The following SASH1 variants were observed in gnomAD, a reference collection of about 807,000 sequenced individuals.
SASH1 encodes the protein SAM and SH3 domain containing 1.
In SASH1, 44 loss-of-function variants were observed where a neutral mutation model predicts 125.2. That is an observed-to-expected ratio of 0.35 (90% CI 0.28 to 0.45). The LOEUF (loss-of-function observed/expected upper bound fraction) is 0.45, where lower values mean the gene tolerates loss of function less well. SASH1 is among the 20% of genes least tolerant of loss of function. The pLI, the probability that SASH1 is intolerant of heterozygous loss-of-function variation, is 1.00. For synonymous variants in SASH1, 639 were observed against 649.1 expected, an observed-to-expected ratio of 0.98 and a Z score of 0.24; for missense variants, 1,426 against 1,614.5, an observed-to-expected ratio of 0.88 and a Z score of 2.00.
At position 148,534,052 on chromosome 6, in the gene SASH1, G is replaced by T. The variant is rs1316846249; in HGVS notation, c.1944+72G>T. On this transcript the variant is annotated intron_variant, in intron 15 of 19. Coordinates refer to ENST00000367467, the MANE Select transcript of SASH1 (RefSeq NM_015278.5). ...TTTCTCTCCTACACTAAGCAAGTGA[G>T]GGCATTTTTAGGGTAGGGTTGGGGC... 4.9e-6 allele frequency: 7 copies of T among 1,434,374 alleles called. No homozygotes were observed. The South Asian group carries it at 8.4e-5, about 17-fold the overall frequency. The allele number at this position is 1,434,374 out of a possible 1,614,324, so 88.9% of individuals were successfully genotyped here.
In SASH1 at chr6:148,390,164, G is replaced by A. The variant is rs1562373777; in HGVS notation, c.187G>A (p.Ala63Thr). 6.2e-7 allele frequency: 1 copy of A among 1,613,684 alleles called. No homozygotes were observed. Among genetic ancestry groups the A allele is most frequent in the South Asian group, 1.1e-5 (1 of 91,058 alleles). Reference sequence around the variant, plus strand: ...TTCACTGGGAAACATCGATGACCTGGCGCAGCAGTATGCAGATTATTACAA... The same window carrying A: ...TTCACTGGGAAACATCGATGACCTGACGCAGCAGTATGCAGATTATTACAA... Reference protein sequence around the residue: ...DGSLGNIDDLAQQYADYYNTC... With the variant: ...DGSLGNIDDLTQQYADYYNTC... The change falls in exon 2 of 20, where the codon GCG (alanine) becomes ACG (threonine). Residue 63 changes from alanine (A) to threonine (T), a missense_variant. By Grantham distance (58) the Ala-to-Thr change is moderately conservative. Around this residue, in one of 3 missense-constraint regions of SASH1, gnomAD observed 567 missense variants for 575.6 expected, o/e 0.99. Transcript: ENST00000367467.
At chr6:148,357,942 C>G (rs997202514) in intron 1 of SASH1, among the ~76,000 whole-genome samples, 8 of 151,530 alleles carry the variant, frequency 5.3e-5, no homozygotes, top group Non-Finnish European at 4.4e-5. Context: ...TGCCTGTAAT[C>G]CCAGCTACTC....
chr6:148,234,024 G>GT, the SASH1 span, among the ~76,000 whole-genome samples: 1 of 151,132 alleles, frequency 6.6e-6, no homozygotes. Flanking sequence ...TACCACTTAG[G>GT]TTTTTTTTGG....
chr6:148,387,402 G>T (rs1031008098), intron 1 of SASH1, among the ~76,000 whole-genome samples: 1 of 151,416 alleles, frequency 6.6e-6, no homozygotes, highest in Non-Finnish European at 1.5e-5. Context: ...GTGAGCCACC[G>T]CACCCGGCCC....
chr6:148,551,081 T>G lies in SASH1; in HGVS notation c.*2523T>G, dbSNP rs1221807478. The G allele has an allele frequency of 6.6e-6, 1 of 152,670 alleles. No homozygotes were observed. Among genetic ancestry groups the G allele is most frequent in the East Asian group, 1.9e-4 (1 of 5,204 alleles). The allele number at this position is 152,670 out of a possible 1,614,324, so 9.5% of individuals were successfully genotyped here. A position where few individuals can be genotyped will look rare whatever the true frequency, so the allele number is the denominator to read the frequency against. On this transcript the variant is annotated 3_prime_UTR_variant, in exon 20 of 20. Transcript: ENST00000367467. ...GAATTTTCAGTGGGAATGTCTAGTC[T>G]GAGGGGTCTGAGGTTGTTTTTACTT...
the SASH1 span, among the ~76,000 whole-genome samples, chr6:148,218,111 G>A: frequency 1.3e-5 from 2 of 152,032 alleles, no homozygotes; most frequent in African/African-American, 4.8e-5. Context: ...TTGCAAACCA[G>A]ATTCATGGCT....
At chr6:148,524,121 A>ATATATATATATATATATTTTTTT (rs1193506716) in intron 10 of SASH1, among the ~76,000 whole-genome samples, 1 of 128,602 alleles carries the variant, frequency 7.8e-6, no homozygotes, top group East Asian at 2.3e-4. Flanking sequence ...ATATATATAT[A>ATATATATATATATATATTTTTTT]TTTTTTTTAA....
At chr6:148,493,222 A>G (rs1250856299) in intron 8 of SASH1, among the ~76,000 whole-genome samples, 1 of 152,192 alleles carries the variant, frequency 6.6e-6, no homozygotes, top group Non-Finnish European at 1.5e-5. Context: ...CACCACCATC[A>G]CCACTGAAGT....
chr6:148,305,623 C>CAAA lies in SASH1; in HGVS notation n.74+33265_74+33267dup, dbSNP rs59521298. Reference sequence around the variant, plus strand: ...TGGGCGACAGAGCGAGACTCTGACTCAAAAAAAAAAAAAAAAAAAAAGAAA... The same window carrying CAAA: ...TGGGCGACAGAGCGAGACTCTGACTCAAAAAAAAAAAAAAAAAAAAAAAAGAAA... On this transcript the variant is annotated intron_variant and non_coding_transcript_variant, in intron 1 of 3. Transcript: ENST00000367469. Among the ~76,000 whole-genome samples, 651 of 104,294 alleles carry CAAA rather than the reference C, an allele frequency of 6.2e-3. 37 individuals are homozygous for CAAA. The East Asian group carries it at 0.14, about 23-fold the overall frequency. The allele number at this position is 104,294 out of a possible 152,430, so 68.4% of individuals were successfully genotyped here.
the SASH1 span, among the ~76,000 whole-genome samples, chr6:148,215,795 T>C: frequency 6.6e-6 from 1 of 152,146 alleles, no homozygotes; most frequent in East Asian, 1.9e-4. Flanking sequence ...AGCACTAAAA[T>C]TTTGCTATGG....
At chr6:148,347,467 A>G (rs185739668) in intron 1 of SASH1, among the ~76,000 whole-genome samples, 1 of 152,276 alleles carries the variant, frequency 6.6e-6, no homozygotes, top group Non-Finnish European at 1.5e-5. Flanking sequence ...CTATCTTACT[A>G]TTTACTCCAT....
In SASH1 at chr6:148,525,327, C is replaced by T. The variant is rs376224396; in HGVS notation, c.1246C>T (p.Arg416Cys). 10 of 1,613,892 alleles carry T rather than the reference C, an allele frequency of 6.2e-6. No individual in the cohort carries two copies. The highest frequency in any genetic ancestry group is 2.7e-5 in the African/African-American group (2 of 74,878). Residue 416 changes from arginine to cysteine, a missense_variant, in exon 11 of 20, where the codon CGC (arginine) becomes TGC (cysteine). This residue lies in a region of SASH1 where 567 missense variants were observed against 575.6 expected (regional missense o/e 0.99). Transcript: ENST00000367467. ...CSFGGFDLTN[R>C]SLHVGSNNSD... is the part of the protein sequence containing the mutation. The stretch of plus-strand genomic sequence containing the variant: ...TTTTGGAGGATTTGACTTGACGAAT[C>T]GCTCTCTGCACGTTGGCAGTAATAA...
chr6:148,407,463 G>A (rs1784422508), intron 2 of SASH1, among the ~76,000 whole-genome samples: 1 of 151,776 alleles, frequency 6.6e-6, no homozygotes, highest in African/African-American at 2.4e-5. Context: ...ACCACATTTT[G>A]TTTATTTATC....
At chr6:148,285,564 G>T (rs995919035) in intron 1 of SASH1, among the ~76,000 whole-genome samples, 1 of 151,124 alleles carries the variant, frequency 6.6e-6, no homozygotes, top group Non-Finnish European at 1.5e-5. Flanking sequence ...GGCTGTTTTG[G>T]TTTTTTTTTC....
intron 8 of SASH1, among the ~76,000 whole-genome samples, chr6:148,489,204 A>G (rs1169136817): frequency 6.6e-6 from 1 of 152,210 alleles, no homozygotes; most frequent in African/African-American, 2.4e-5. Flanking sequence ...CAGTTTTTCC[A>G]GAACCATTTG....
chr6:148,316,581 C>T (rs909114335), intron 1 of SASH1, among the ~76,000 whole-genome samples: 1 of 152,336 alleles, frequency 6.6e-6, no homozygotes, highest in South Asian at 2.1e-4. Flanking sequence ...AGAAAGCTCT[C>T]AGGAAATGCT....
At chr6:148,261,553 G>A in the SASH1 span, among the ~76,000 whole-genome samples, 3 of 152,184 alleles carry the variant, frequency 2.0e-5, no homozygotes, top group Admixed American at 2.0e-4. Context: ...AGGATTTCTA[G>A]ATACAGGTGG....
At chr6:148,213,038 G>A in the SASH1 span, among the ~76,000 whole-genome samples, 6 of 152,210 alleles carry the variant, frequency 3.9e-5, no homozygotes, top group African/African-American at 1.4e-4. Flanking sequence ...GCCCCTGCCT[G>A]TGACATCTCC....
At chr6:148,397,440 G>A (rs540812063) in intron 2 of SASH1, among the ~76,000 whole-genome samples, 5 of 152,218 alleles carry the variant, frequency 3.3e-5, no homozygotes, top group Admixed American at 2.6e-4. Flanking sequence ...AGCCGAGATC[G>A]CACTATTGCA....
Sources: gnomAD v4.1 joint callset for allele counts (sites outside exome capture counted in the v4.1 genomes callset) on GRCh38, gnomAD v4.1.1 for gene constraint, gnomAD v4.1.1 regional missense constraint, MANE v1.5 for transcripts, NCBI Gene and HGNC (gene_info 2026-07-23, HGNC 2026-07-21) for gene names.